The following CCAR1 variants were observed in gnomAD, a reference collection of about 807,000 sequenced individuals.
The protein encoded by CCAR1 is cell division cycle and apoptosis regulator protein 1.
A neutral mutation model predicts 163.8 loss-of-function variants in CCAR1; 78 were observed. The ratio of observed to expected loss-of-function variants is 0.48; its 90% confidence interval spans 0.40 to 0.57. CCAR1 has a LOEUF of 0.57. Among genes scored for constraint, CCAR1 ranks in the 20% least tolerant of loss-of-function variants. The pLI, the probability that CCAR1 is intolerant of heterozygous loss-of-function variation, is 0.00. For synonymous variants in CCAR1, 443 were observed against 460.7 expected (o/e 0.96, Z 0.49); for missense variants, 1,019 against 1,365.2 (o/e 0.75, Z 4.00).
chr10:68,766,613 G>T (rs139499210), intron 17 of CCAR1, among the ~76,000 whole-genome samples: 1 of 151,710 alleles, frequency 6.6e-6, no homozygotes, highest in African/African-American at 2.4e-5. Flanking sequence ...TGCAACCTCC[G>T]CCTCCCGGGT....
At position 68,767,828 on chromosome 10, in the gene CCAR1, A is replaced by AT. The variant is rs141370189; in HGVS notation, c.2298+1752dup. On this transcript the variant is annotated intron_variant, in intron 17 of 24. Transcript: ENST00000265872. ...GCCATTTCACCTAGCCTGTATCATTATTTAGAGCAGCTTTACATCATGTAG... is the reference window on the plus strand; with the variant it reads ...GCCATTTCACCTAGCCTGTATCATTATTTTAGAGCAGCTTTACATCATGTAG... Among the ~76,000 whole-genome samples, 441 of 152,342 alleles carry AT rather than the reference A, an allele frequency of 2.9e-3. 3 individuals are homozygous for AT. Among genetic ancestry groups the AT allele is most frequent in the African/African-American group, 9.9e-3 (411 of 41,574 alleles).
rs7919943 is a variant in CCAR1, at chr10:68,743,767, T to C, written c.518+1198T>C. ...TTATTTATTTATTTATTTATTTACT[T>C]TGAGACAGAGTCTCGCTCTGTCACC... is the stretch of plus-strand genomic sequence containing the variant. On this transcript the variant is annotated intron_variant, in intron 6 of 24. Coordinates refer to ENST00000265872, the MANE Select transcript of CCAR1 (RefSeq NM_018237.4). 2.8e-3 allele frequency among the ~76,000 whole-genome samples: 417 copies of C among 148,086 alleles called. 4 individuals carry two copies. Among genetic ancestry groups the C allele is most frequent in the African/African-American group, 0.01 (389 of 37,998 alleles).
At chr10:68,768,105 A>G (rs1161858140) in intron 17 of CCAR1, among the ~76,000 whole-genome samples, 1 of 152,164 alleles carries the variant, frequency 6.6e-6, no homozygotes, top group African/African-American at 2.4e-5. Context: ...TTGTTTACCA[A>G]CTGGTAAGAT....
At chr10:68,733,514 T>C (rs987430661) in intron 2 of CCAR1, among the ~76,000 whole-genome samples, 4 of 151,414 alleles carry the variant, frequency 2.6e-5, no homozygotes, top group Admixed American at 2.6e-4. Flanking sequence ...TTCTTCTCTT[T>C]CTTTAAATTT....
In CCAR1 at chr10:68,740,635, C is replaced by T; in HGVS notation, c.298C>T (p.Gln100Ter). 6.2e-7 allele frequency: 1 copy of T among 1,611,044 alleles called. No individual in the cohort carries two copies. Among genetic ancestry groups the T allele is most frequent in the Non-Finnish European group, 8.5e-7 (1 of 1,178,444 alleles). Residue 100 changes from glutamine (Q) to a stop codon, truncating the protein, a stop_gained, in exon 5 of 25, where the codon CAA becomes TAA. Transcript: ENST00000265872. LOFTEE classifies it high-confidence loss of function. ...ALYSVQQQLQ[Q>*]PQQTLLTQPA... Reference sequence around the variant, plus strand: ...TTTATTTTTCTGTTTTCAGTTACAGCAACCCCAGCAAACCCTCTTAACACA... The same window carrying T: ...TTTATTTTTCTGTTTTCAGTTACAGTAACCCCAGCAAACCCTCTTAACACA...
At chr10:68,753,045 A>T (rs1342643719) in intron 10 of CCAR1, among the ~76,000 whole-genome samples, 5 of 150,688 alleles carry the variant, frequency 3.3e-5, no homozygotes, top group Non-Finnish European at 5.9e-5. Flanking sequence ...TATACTTCAA[A>T]TAAAGACATC....
chr10:68,778,090 C>G (rs1278495975), intron 19 of CCAR1, among the ~76,000 whole-genome samples: 1 of 152,090 alleles, frequency 6.6e-6, no homozygotes, highest in Non-Finnish European at 1.5e-5. Context: ...GTGGTACATG[C>G]CTGTTATCCC....
chr10:68,751,366 A>G (rs780811595), intron 10 of CCAR1, among the ~76,000 whole-genome samples: 91 of 152,202 alleles, frequency 6.0e-4, no homozygotes, highest in Middle Eastern at 6.8e-3. Flanking sequence ...TTCTTCTTAT[A>G]GCTGCTTACT....
At chr10:68,767,095 C>G (rs2056545662) in intron 17 of CCAR1, among the ~76,000 whole-genome samples, 1 of 152,034 alleles carries the variant, frequency 6.6e-6, no homozygotes, top group Admixed American at 6.6e-5. Flanking sequence ...TTCAGGATAT[C>G]CATAATGTCT....
At chr10:68,779,791 G>T (rs1461287367) in intron 19 of CCAR1, among the ~76,000 whole-genome samples, 1 of 152,100 alleles carries the variant, frequency 6.6e-6, no homozygotes. Flanking sequence ...ATCTGAATAG[G>T]AATAGAGAAT....
chr10:68,729,286 T>A (rs78570116), intron 2 of CCAR1, among the ~76,000 whole-genome samples: 1 of 151,380 alleles, frequency 6.6e-6, no homozygotes, highest in Non-Finnish European at 1.5e-5. Flanking sequence ...TTTTTTTTTT[T>A]TGAGACAGAG....
At chr10:68,730,668 T>C (rs1322654964) in intron 2 of CCAR1, among the ~76,000 whole-genome samples, 2 of 152,128 alleles carry the variant, frequency 1.3e-5, no homozygotes, top group Non-Finnish European at 2.9e-5. Flanking sequence ...TTAAAGGTGG[T>C]TTCAGAAAAC....
At chr10:68,775,933 G>C (rs1164601965) in intron 19 of CCAR1, among the ~76,000 whole-genome samples, 1 of 151,840 alleles carries the variant, frequency 6.6e-6, no homozygotes, top group Non-Finnish European at 1.5e-5. Context: ...CTGACCAGGT[G>C]GTCCTCCCGT....
At chr10:68,733,504 TTCTTC>T (rs1244349056) in intron 2 of CCAR1, among the ~76,000 whole-genome samples, 6 of 151,574 alleles carry the variant, frequency 4.0e-5, no homozygotes, top group South Asian at 2.1e-4. Context: ...TCACTGTAGA[TTCTTC>T]TCTTTCTTTA....
chr10:68,756,733 G>A lies in CCAR1; in HGVS notation c.1836+250G>A. The A allele has an allele frequency of 1.9e-6, 1 of 537,270 alleles. No homozygotes were observed. Among genetic ancestry groups the A allele is most frequent in the Middle Eastern group, 3.5e-4 (1 of 2,820 alleles). The allele number at this position is 537,270 out of a possible 1,614,324, so 33.3% of individuals were successfully genotyped here. A position where few individuals can be genotyped will look rare whatever the true frequency, so the allele number is the denominator to read the frequency against. ...TTGTGCTTAAATTGCACAGAATTTT[G>A]TTTTTATCATAGGTCTAGTTGCTGG... On this transcript the variant is annotated intron_variant, in intron 14 of 24. Coordinates refer to ENST00000265872, the MANE Select transcript of CCAR1 (RefSeq NM_018237.4). The surrounding 1 kb of genome is among the most constrained non-coding windows in gnomAD (Gnocchi z 5.1).
intron 6 of CCAR1, among the ~76,000 whole-genome samples, chr10:68,745,465 C>CT (rs113324430): frequency 0.078 from 10,931 of 140,774 alleles, 1,166 homozygotes; most frequent in African/African-American, 0.24. Context: ...CCACGTCCAG[C>CT]TTTTTTTTTT....
intron 2 of CCAR1, among the ~76,000 whole-genome samples, chr10:68,723,083 G>T (rs2055883106): frequency 6.8e-6 from 1 of 147,432 alleles, no homozygotes; most frequent in South Asian, 2.2e-4. Flanking sequence ...CAGTTTTGTA[G>T]TTTTTTTTTT....
chr10:68,721,469 C>G, intron 1 of CCAR1, 187 bp downstream of exon 1: 1 of 385,628 alleles, frequency 2.6e-6, no homozygotes, highest in Admixed American at 3.0e-5. Context: ...TCGGAGCAGG[C>G]CCGGCGCGGC....
intron 19 of CCAR1, among the ~76,000 whole-genome samples, chr10:68,778,485 A>G (rs947807440): frequency 6.6e-6 from 1 of 150,532 alleles, no homozygotes; most frequent in African/African-American, 2.4e-5. Context: ...TAAAATTGCA[A>G]TCCCCCGCCC....
Sources: allele counts gnomAD v4.1 joint callset (sites outside exome capture counted in the v4.1 genomes callset), GRCh38; gene constraint gnomAD v4.1.1; non-coding constraint Gnocchi (gnomAD v3.1); transcripts MANE v1.5; gene names NCBI Gene and HGNC (gene_info 2026-07-23, HGNC 2026-07-21).